Variants in LTBP4 observed in about 807,000 individuals in gnomAD.
The protein encoded by LTBP4 is latent transforming growth factor beta binding protein 4, also known as latent-transforming growth factor beta-binding protein 4.
A neutral mutation model predicts 180.2 loss-of-function variants in LTBP4; 93 were observed. That is an observed-to-expected ratio of 0.52 (90% confidence interval 0.44 to 0.61). The LOEUF is 0.61. LTBP4 is among the 20% of genes least tolerant of loss of function. The pLI is 0.00. For missense variants in LTBP4, 2,116 were observed against 2,256.5 expected, an observed-to-expected ratio of 0.94 and a Z score of 1.26; for synonymous variants, 947 against 934.5, an observed-to-expected ratio of 1.01 and a Z score of -0.24.
chr19:40,605,158 C>T lies in LTBP4; in HGVS notation c.374C>T (p.Pro125Leu). 1 of 1,611,742 alleles carries T rather than the reference C, an allele frequency of 6.2e-7. No homozygotes were observed. The highest frequency in any genetic ancestry group is 1.3e-5 in the African/African-American group (1 of 74,998). Residue 125 changes from proline to leucine, a missense_variant, in exon 2 of 30, where the codon CCG (proline) becomes CTG (leucine). By Grantham distance (98) the Pro-to-Leu change is moderately conservative (BLOSUM62 -3). Coordinates refer to ENST00000396819, the MANE Select transcript of LTBP4 (RefSeq NM_001042545.2). This position sits in a 1 kb window ranked among gnomAD's most constrained non-coding sequence, Gnocchi z 5.5. The part of the protein sequence containing the change: ...LHSSGARPPA[P>L]AVPGLTRSVY... ...TCCTCGGGCGCCCGGCCCCCGGCCC[C>T]GGCTGTACCAGGCCTCACCCGCTCC...
Position 40,609,906 on chromosome 19 carries a change from C to A in LTBP4, c.1684+35C>A. ...TTGCCCCACCCGGCTCCAGGCCCAC[C>A]CCAGGGTCTCGCTCCTGCTCTCACT... On this transcript the variant is annotated intron_variant, in intron 11 of 29. Coordinates refer to ENST00000396819, the MANE Select transcript of LTBP4 (RefSeq NM_001042545.2). The surrounding 1 kb of genome is among the most constrained non-coding windows in gnomAD (Gnocchi z 4.9). 6.7e-7 allele frequency: 1 copy of A among 1,493,800 alleles called. No homozygotes were observed. Among genetic ancestry groups the A allele is most frequent in the Non-Finnish European group, 8.9e-7 (1 of 1,119,872 alleles). 92.5% of individuals were successfully genotyped at this position (1,493,800 alleles called of 1,614,324 possible).
chr19:40,627,705 G>T lies in LTBP4; in HGVS notation c.4367G>T (p.Gly1456Val), dbSNP rs372290971. 2.5e-6 allele frequency: 4 copies of T among 1,590,934 alleles called. No individual in the cohort carries two copies. The highest frequency in any genetic ancestry group is 1.3e-5 in the African/African-American group (1 of 74,502). ...EEPPEGGSYA[G>V]SLAEPYEELE... ...CATAGGGTCCCCGCATTTCCCACAGGTTCCCTGGCTGAGCCCTACGAGGAG... is the reference window on the plus strand; with the variant it reads ...CATAGGGTCCCCGCATTTCCCACAGTTTCCCTGGCTGAGCCCTACGAGGAG... The change falls in exon 29 of 30, where the codon GGT becomes GTT. Residue 1456 changes from glycine (G) to valine (V), a missense_variant and splice_region_variant. This residue lies in a region of LTBP4 where 488 missense variants were observed against 458.8 expected (regional missense o/e 1.06). Transcript: ENST00000396819.
At chr19:40,610,252 C>G (rs2081495780) in intron 11 of LTBP4, 1 of 532,408 alleles carries the variant, frequency 1.9e-6, no homozygotes, top group East Asian at 3.1e-5. Flanking sequence ...CCCTGCCACA[C>G]CAGAGCCCTA....
intron 1 of LTBP4, 145 bp downstream of exon 1, chr19:40,601,782 G>A: frequency 2.8e-6 from 2 of 713,188 alleles, no homozygotes; most frequent in East Asian, 3.5e-5. Flanking sequence ...TTGAGGAAGG[G>A]GGCCCCAAAT....
At chr19:40,599,242 C>T (rs766130787), upstream of LTBP4, 8 of 1,613,308 alleles carry the variant, frequency 5.0e-6, no homozygotes, top group Admixed American at 1.2e-4. Context: ...CTAGGAGGAG[C>T]CGCTGCATCC....
In LTBP4 at chr19:40,613,804, G is replaced by A. The variant is rs2081526347; in HGVS notation, c.2558-112G>A. The A allele has an allele frequency of 1.3e-6, 2 of 1,498,522 alleles. No homozygotes were observed. The highest frequency in any genetic ancestry group is 2.3e-5 in the East Asian group (1 of 42,934). 92.8% of individuals were successfully genotyped at this position (1,498,522 alleles called of 1,614,324 possible). Reference sequence around the variant, plus strand: ...CAGGGAGGGAAGTAGCGTGAGGCAGGTTGGGGAAGGCGTGAGAGGCCTAGG... The same window carrying A: ...CAGGGAGGGAAGTAGCGTGAGGCAGATTGGGGAAGGCGTGAGAGGCCTAGG... On this transcript the variant is annotated intron_variant, in intron 17 of 29. Transcript: ENST00000396819. The surrounding 1 kb of genome is among the most constrained non-coding windows in gnomAD (Gnocchi z 5.0).
In LTBP4 at chr19:40,611,307, C is replaced by T; in HGVS notation, c.1966C>T (p.Pro656Ser). 6.2e-7 allele frequency: 1 copy of T among 1,611,894 alleles called. No individual in the cohort carries two copies. Among genetic ancestry groups the T allele is most frequent in the Non-Finnish European group, 8.5e-7 (1 of 1,179,410 alleles). ...ECAQEPPPCGPGRCDNTAGSF... is the reference protein window; with the variant it reads ...ECAQEPPPCGSGRCDNTAGSF... ...TGCCCAGGAGCCGCCGCCCTGTGGG[C>T]CCGGCCGCTGTGACAACACGGCAGG... The change falls in exon 13 of 30, where the codon CCC becomes TCC. Residue 656 changes from proline (P) to serine (S), a missense_variant. Physicochemically the swap from Pro to Ser is moderately conservative, Grantham distance 74 (BLOSUM62 -1). Coordinates refer to ENST00000396819, the MANE Select transcript of LTBP4 (RefSeq NM_001042545.2). The surrounding 1 kb of genome is among the most constrained non-coding windows in gnomAD (Gnocchi z 4.4).
Position 40,605,777 on chromosome 19 carries a change from G to A in LTBP4, c.739G>A (p.Gly247Arg), listed in dbSNP as rs1195005959. 5.2e-6 allele frequency: 8 copies of A among 1,542,516 alleles called. No homozygotes were observed. The highest frequency in any genetic ancestry group is 7.0e-6 in the Non-Finnish European group (8 of 1,146,766). ...CCGGACGCAGGAGGTCTGCTGCCGA[G>A]GGGCCGGCTTGGCCTGGGGCGTTCA... The part of the protein sequence containing the change: ...GLRTQEVCCR[G>R]AGLAWGVHDC... The change falls in exon 4 of 30, where the codon GGG (glycine) becomes AGG (arginine). Residue 247 changes from glycine to arginine, a missense_variant. By Grantham distance (125) the Gly-to-Arg change is moderately radical. This residue lies in a region of LTBP4 where 469 missense variants were observed against 532.5 expected (regional missense o/e 0.88). Transcript: ENST00000396819. This position sits in a 1 kb window ranked among gnomAD's most constrained non-coding sequence, Gnocchi z 5.5.
Position 40,625,248 on chromosome 19 carries a change from GTATTTATATATATATATATATATATA to G in LTBP4, c.3833-605_3833-580del, listed in dbSNP as rs2081615788. ...CCGCCACCAAGCCTGGCTAATTTTT[GTATTTATATATATATATATATATATA>G]TATATATATATATATATATATATAT... On this transcript the variant is annotated intron_variant, in intron 26 of 29. Transcript: ENST00000396819. Among the ~76,000 whole-genome samples the G allele has an allele frequency of 1.6e-3, 96 of 58,722 alleles. 7 individuals are homozygous for G. Among genetic ancestry groups the G allele is most frequent in the Admixed American group, 2.3e-3 (11 of 4,764 alleles). The allele number at this position is 58,722 out of a possible 152,430, so 38.5% of individuals were successfully genotyped here.
chr19:40,610,252 C>T (rs2081495780), intron 11 of LTBP4: 1 of 532,290 alleles, frequency 1.9e-6, no homozygotes, highest in African/African-American at 1.9e-5. Flanking sequence ...CCCTGCCACA[C>T]CAGAGCCCTA....
At chr19:40,615,919 A>G (rs755912963) in intron 19 of LTBP4, among the ~76,000 whole-genome samples, 4 of 152,224 alleles carry the variant, frequency 2.6e-5, no homozygotes, top group Non-Finnish European at 5.9e-5. Context: ...GTATAACATC[A>G]GGTTTAGGAA....
In LTBP4 at chr19:40,607,624, G is replaced by A. The variant is rs1281144161; in HGVS notation, c.1156+95G>A. On this transcript the variant is annotated intron_variant, in intron 7 of 29. Transcript: ENST00000396819. The stretch of plus-strand genomic sequence containing the variant: ...AACCCTGAGTTCACTGCCCCAACCT[G>A]ACTGGCTGGGCTCCAGCCTTGGCCA... 8.7e-6 allele frequency: 12 copies of A among 1,383,288 alleles called. No homozygotes were observed. The East Asian group carries it at 3.0e-4, about 35-fold the overall frequency. 85.7% of individuals were successfully genotyped at this position (1,383,288 alleles called of 1,614,324 possible). A position where few individuals can be genotyped will look rare whatever the true frequency, so the allele number is the denominator to read the frequency against.
upstream of LTBP4, chr19:40,599,134 G>T (rs1416626753): frequency 3.6e-5 from 53 of 1,475,280 alleles, no homozygotes; most frequent in Non-Finnish European, 4.9e-5. Context: ...CTCCCCGATT[G>T]CCCTCCTTTG....
chr19:40,627,541 G>C (rs76805971), intron 28 of LTBP4, among the ~76,000 whole-genome samples, 164 bp from the exon 29 acceptor site: 1 of 152,176 alleles, frequency 6.6e-6, no homozygotes. Context: ...GAAAGCTGGC[G>C]AGAGAATGAG....
At chr19:40,595,114 CA>C (rs930663992) in intron 1 of LTBP4, among the ~76,000 whole-genome samples, 4 of 151,930 alleles carry the variant, frequency 2.6e-5, no homozygotes, top group Non-Finnish European at 5.9e-5. Flanking sequence ...CCTGGAACCC[CA>C]AAGCGAAGCA....
At position 40,624,131 on chromosome 19, in the gene LTBP4, A is replaced by G. The variant is rs1042375878; in HGVS notation, c.3832+49A>G. The G allele has an allele frequency of 6.1e-6, 9 of 1,474,636 alleles. No individual in the cohort carries two copies. The South Asian group carries it at 1.2e-4, about 20-fold the overall frequency. The allele number at this position is 1,474,636 out of a possible 1,614,324, so 91.3% of individuals were successfully genotyped here. On this transcript the variant is annotated intron_variant, in intron 26 of 29. Transcript: ENST00000396819. The stretch of plus-strand genomic sequence containing the variant: ...GCCCTCCTTCCCTTGGCTCGGCCTC[A>G]CACCCGCACCCGGGCCACACCTTTG...
At position 40,605,389 on chromosome 19, in the gene LTBP4, G is replaced by A; in HGVS notation, c.443-16G>A. 1 of 1,612,472 alleles carries A rather than the reference G, an allele frequency of 6.2e-7. No individual in the cohort carries two copies. The highest frequency in any genetic ancestry group is 8.5e-7 in the Non-Finnish European group (1 of 1,179,632). On this transcript the variant is annotated splice_polypyrimidine_tract_variant and intron_variant, in intron 2 of 29. Coordinates refer to ENST00000396819, the MANE Select transcript of LTBP4 (RefSeq NM_001042545.2). The surrounding 1 kb of genome is among the most constrained non-coding windows in gnomAD (Gnocchi z 5.5). ...ACCCGTGTAGACATCCGTTTGCCCG[G>A]CCGTGCCTCCCCTAGGCGTGGCATC...
chr19:40,610,793 T>C, intron 12 of LTBP4, 136 bp downstream of exon 12: 1 of 1,299,904 alleles, frequency 7.7e-7, no homozygotes, highest in Non-Finnish European at 1.0e-6. Context: ...AGCAGACGTG[T>C]GGCCTGATGG....
upstream of LTBP4, chr19:40,597,383 A>G: frequency 6.6e-7 from 1 of 1,509,086 alleles, no homozygotes; most frequent in Non-Finnish European, 8.8e-7. Context: ...CCGGCCAGGT[A>G]AGCCCCCTGC....
Sources: gnomAD v4.1 joint callset for allele counts (sites outside exome capture counted in the v4.1 genomes callset) on GRCh38, gnomAD v4.1.1 for gene constraint, gnomAD v4.1.1 regional missense constraint, Gnocchi (gnomAD v3.1) non-coding constraint, MANE v1.5 for transcripts, NCBI Gene and HGNC (gene_info 2026-07-23, HGNC 2026-07-21) for gene names.